DDX10: variants seen among roughly 807,000 people sequenced by gnomAD.
The protein encoded by DDX10 is probable ATP-dependent RNA helicase DDX10.
A neutral mutation model predicts 104.3 loss-of-function variants in DDX10; 74 were observed. That is an observed-to-expected ratio of 0.71 (90% CI 0.59 to 0.86). The LOEUF is 0.86. Among genes scored for constraint, DDX10 ranks in the 40% least tolerant of loss-of-function variants. The probability of loss-of-function intolerance (pLI) is 0.00; values close to 1 mark genes in which losing one functional copy is unlikely to be tolerated. For missense variants in DDX10, 952 were observed against 1,040.0 expected (o/e 0.92, Z 1.16); for synonymous variants, 351 against 353.4 (o/e 0.99, Z 0.08).
chr11:108,919,220 A>G (rs200852821), intron 17 of DDX10: 1 of 152,206 alleles, frequency 6.6e-6, no homozygotes, highest in East Asian at 1.9e-4. Flanking sequence ...GTGGTTGAAC[A>G]TATGAGCTTT....
chr11:108,699,137 C>G (rs1240652566), intron 9 of DDX10, among the ~76,000 whole-genome samples: 1 of 151,910 alleles, frequency 6.6e-6, no homozygotes, highest in East Asian at 1.9e-4. Flanking sequence ...TTGATGTACC[C>G]TAAGTGCTTA....
chr11:108,885,670 C>T (rs576384348), intron 16 of DDX10, among the ~76,000 whole-genome samples: 23 of 152,200 alleles, frequency 1.5e-4, no homozygotes, highest in Non-Finnish European at 2.2e-4. Context: ...CCACTGCGTC[C>T]GGCCCATTTT....
At chr11:108,677,029 G>T in intron 3 of DDX10, 56 bp from the exon 4 acceptor site, 1 of 1,541,054 alleles carries the variant, frequency 6.5e-7, no homozygotes, top group Non-Finnish European at 8.8e-7. Context: ...TTGAGATGCA[G>T]GTCAAAAAGC....
chr11:108,917,557 G>A (rs1863767416), intron 16 of DDX10, among the ~76,000 whole-genome samples: 1 of 152,092 alleles, frequency 6.6e-6, no homozygotes, highest in Non-Finnish European at 1.5e-5. Flanking sequence ...GCATGCCACA[G>A]CACCTGGCTT....
At chr11:108,760,152 T>G (rs966978046) in intron 13 of DDX10, among the ~76,000 whole-genome samples, 1 of 151,240 alleles carries the variant, frequency 6.6e-6, no homozygotes, top group Admixed American at 6.6e-5. Context: ...TTCTGTATGG[T>G]GTACGTGGGT....
chr11:108,933,787 G>A (rs769991840), intron 17 of DDX10, among the ~76,000 whole-genome samples: 1 of 152,190 alleles, frequency 6.6e-6, no homozygotes, highest in Non-Finnish European at 1.5e-5. Flanking sequence ...ATGCTGCAAA[G>A]AAGATAAGAA....
intron 13 of DDX10, among the ~76,000 whole-genome samples, chr11:108,740,651 A>ATT (rs144890518): frequency 1.9e-4 from 29 of 150,994 alleles, no homozygotes; most frequent in African/African-American, 6.6e-4. Flanking sequence ...AGTGTCTGTT[A>ATT]TTTTTTTTTA....
chr11:108,771,760 G>T (rs2094363468), intron 13 of DDX10, among the ~76,000 whole-genome samples: 1 of 152,168 alleles, frequency 6.6e-6, no homozygotes, highest in Admixed American at 6.5e-5. Context: ...GCTTTAATTG[G>T]TAAAGAAGTT....
chr11:108,761,763 G>A (rs572940637), intron 13 of DDX10, among the ~76,000 whole-genome samples: 1 of 152,234 alleles, frequency 6.6e-6, no homozygotes, highest in South Asian at 2.1e-4. Context: ...ACCAGAGAAA[G>A]TATCTTGTAA....
chr11:108,912,630 A>G (rs1455159417), intron 16 of DDX10, among the ~76,000 whole-genome samples: 1 of 152,186 alleles, frequency 6.6e-6, no homozygotes, highest in East Asian at 1.9e-4. Context: ...GTGTCAGGCA[A>G]ACTTGTCTTC....
intron 12 of DDX10, among the ~76,000 whole-genome samples, chr11:108,721,618 G>A (rs1327103481): frequency 6.6e-6 from 1 of 152,156 alleles, no homozygotes; most frequent in African/African-American, 2.4e-5. Context: ...ACAAATTTTA[G>A]TATAGTTGAG....
At chr11:108,720,840 A>G (rs1482268) in intron 12 of DDX10, among the ~76,000 whole-genome samples, 109,092 of 150,732 alleles carry the variant, frequency 0.72, 39,716 homozygotes, top group Admixed American at 0.79. Context: ...TGATCCCCCC[A>G]CCTCAGCCTT....
chr11:108,932,140 G>A (rs766120115), intron 17 of DDX10, among the ~76,000 whole-genome samples: 24 of 151,894 alleles, frequency 1.6e-4, no homozygotes, highest in Non-Finnish European at 3.1e-4. Flanking sequence ...TAAAGCAACC[G>A]TAGACAATAC....
intron 13 of DDX10, among the ~76,000 whole-genome samples, chr11:108,754,707 G>T (rs139994200): frequency 6.6e-6 from 1 of 152,004 alleles, no homozygotes; most frequent in Non-Finnish European, 1.5e-5. Context: ...AGAATCTATG[G>T]GTGATAGAAG....
intron 17 of DDX10, among the ~76,000 whole-genome samples, chr11:108,935,764 A>G (rs1864029612): frequency 6.6e-6 from 1 of 152,174 alleles, no homozygotes; most frequent in African/African-American, 2.4e-5. Context: ...CATCATCACA[A>G]GACAAGCTTT....
intron 16 of DDX10, among the ~76,000 whole-genome samples, chr11:108,864,240 T>A (rs1002607875): frequency 6.6e-6 from 1 of 152,112 alleles, no homozygotes. Flanking sequence ...CGGCTGGAAA[T>A]CACTGAAAGA....
intron 13 of DDX10, among the ~76,000 whole-genome samples, chr11:108,775,379 T>TA (rs1023572258): frequency 1.1e-4 from 16 of 151,648 alleles, no homozygotes; most frequent in East Asian, 5.8e-4. Context: ...GTGAATGTAT[T>TA]AAAAAAAAAT....
chr11:108,697,224 CTTTTT>C (rs5794600), intron 9 of DDX10, among the ~76,000 whole-genome samples: 2 of 121,482 alleles, frequency 1.6e-5, no homozygotes, highest in Admixed American at 8.4e-5. Flanking sequence ...ATATATAATG[CTTTTT>C]TTTTTTTTTT....
chr11:108,685,327 G>C (rs1476637752), intron 6 of DDX10, among the ~76,000 whole-genome samples: 1 of 151,102 alleles, frequency 6.6e-6, no homozygotes, highest in Non-Finnish European at 1.5e-5. Context: ...TCTTTGACTC[G>C]GAAAGGGAAC....
Sources: allele counts gnomAD v4.1 joint callset (sites outside exome capture counted in the v4.1 genomes callset), GRCh38; gene constraint gnomAD v4.1.1; transcripts MANE v1.5; gene names NCBI Gene and HGNC (gene_info 2026-07-23, HGNC 2026-07-21).